AFAP1L1: variants seen among roughly 807,000 people sequenced by gnomAD.
AFAP1L1 encodes actin filament associated protein 1 like 1.
In AFAP1L1, 77 loss-of-function variants were observed where a neutral mutation model predicts 99.8. The observed-to-expected ratio is 0.77, with a 90% CI of 0.64 to 0.93. The LOEUF is 0.93. Among genes scored for constraint, AFAP1L1 ranks in the 40% least tolerant of loss-of-function variants. AFAP1L1 has a pLI of 0.00. For missense variants in AFAP1L1, 893 were observed against 996.8 expected, an observed-to-expected ratio of 0.90 and a Z score of 1.40; for synonymous variants, 373 against 395.3, an observed-to-expected ratio of 0.94 and a Z score of 0.67.
chr5:149,330,064 A>G (rs528001232), intron 16 of AFAP1L1, among the ~76,000 whole-genome samples: 8 of 152,322 alleles, frequency 5.3e-5, no homozygotes, highest in African/African-American at 1.9e-4. Context: ...GAGGATGAAA[A>G]AGCATCACAA....
At chr5:149,314,756 T>C (rs2127598176) in intron 9 of AFAP1L1, among the ~76,000 whole-genome samples, 1 of 152,292 alleles carries the variant, frequency 6.6e-6, no homozygotes, top group Non-Finnish European at 1.5e-5. Context: ...ATGCTTATGG[T>C]GAAGCATAAG....
intron 1 of AFAP1L1, among the ~76,000 whole-genome samples, chr5:149,273,922 A>G (rs1400586279): frequency 6.6e-6 from 1 of 152,190 alleles, no homozygotes; most frequent in Non-Finnish European, 1.5e-5. Flanking sequence ...ATCCTAAGAC[A>G]GAGTGACAAT....
chr5:149,291,892 A>G (rs1755872048), intron 1 of AFAP1L1, among the ~76,000 whole-genome samples: 1 of 152,208 alleles, frequency 6.6e-6, no homozygotes, highest in Non-Finnish European at 1.5e-5. Flanking sequence ...CCCTTCATAA[A>G]ACCACAGTCT....
Position 149,322,644 on chromosome 5 carries a change from G to C in AFAP1L1, c.1737G>C (p.Lys579Asn). 1 of 1,591,610 alleles carries C rather than the reference G, an allele frequency of 6.3e-7. No homozygotes were observed. Among genetic ancestry groups the C allele is most frequent in the Non-Finnish European group, 8.6e-7 (1 of 1,168,226 alleles). The change falls in exon 15 of 19, where the codon AAG (lysine) becomes AAC (asparagine). Residue 579 changes from lysine (K) to asparagine (N), a missense_variant. Coordinates refer to ENST00000296721, the MANE Select transcript of AFAP1L1 (RefSeq NM_152406.4). The part of the protein sequence containing the change: ...EPERPTGAQV[K>N]RHASSCSEKS... ...AGCGCCCCACAGGGGCCCAGGTGAA[G>C]CGTCACGCCTCCTCCTGCAGTGAGA... is the stretch of plus-strand genomic sequence containing the variant.
At chr5:149,306,464 C>A (rs750782012) in intron 6 of AFAP1L1, 60 bp downstream of exon 6, 132 of 1,475,238 alleles carry the variant, frequency 8.9e-5, no homozygotes, top group South Asian at 5.6e-4. Context: ...AAAGAGCAGG[C>A]CTTGTCCTGG....
chr5:149,288,193 G>A (rs1039189489), intron 1 of AFAP1L1, among the ~76,000 whole-genome samples: 1 of 152,172 alleles, frequency 6.6e-6, no homozygotes, highest in African/African-American at 2.4e-5. Context: ...AGCTTTGCAG[G>A]TAGGAGACAC....
chr5:149,315,747 T>C (rs748050406), intron 9 of AFAP1L1, 74 bp from the exon 10 acceptor site: 35 of 1,292,006 alleles, frequency 2.7e-5, no homozygotes, highest in African/African-American at 1.7e-4. Context: ...TGGAGGGAGA[T>C]TGAACCAATA....
intron 5 of AFAP1L1, among the ~76,000 whole-genome samples, chr5:149,306,026 G>C (rs1756399467): frequency 6.6e-6 from 1 of 152,210 alleles, no homozygotes; most frequent in Admixed American, 6.5e-5. Flanking sequence ...TGGATGAGAA[G>C]TCCTCTGGTA....
rs1009998691 is a variant in AFAP1L1, at chr5:149,307,256, A to G, written c.536-146A>G. 210 of 787,804 alleles carry G rather than the reference A, an allele frequency of 2.7e-4. 1 individual carries two copies. Among genetic ancestry groups the G allele is most frequent in the Middle Eastern group, 1.1e-3 (4 of 3,580 alleles). 48.8% of individuals were successfully genotyped at this position (787,804 alleles called of 1,614,324 possible). A position where few individuals can be genotyped will look rare whatever the true frequency, so the allele number is the denominator to read the frequency against. The stretch of plus-strand genomic sequence containing the variant: ...AGCGAGATTCCGTCTCCAAAAAAAA[A>G]GTAGGGGCCTTAGTCATTACCAGTG... On this transcript the variant is annotated intron_variant, in intron 6 of 18. Coordinates refer to ENST00000296721, the MANE Select transcript of AFAP1L1 (RefSeq NM_152406.4).
At position 149,314,854 on chromosome 5, in the gene AFAP1L1, T is replaced by G. The variant is rs17109939; in HGVS notation, c.1021-967T>G. On this transcript the variant is annotated intron_variant, in intron 9 of 18. Transcript: ENST00000296721. Reference sequence around the variant, plus strand: ...CACCTTCTTAAGTGGGTGGATGTCATTTAATCCTGGCCCAAGTGTGGCTGG... The same window carrying G: ...CACCTTCTTAAGTGGGTGGATGTCAGTTAATCCTGGCCCAAGTGTGGCTGG... 1.4e-4 allele frequency among the ~76,000 whole-genome samples: 22 copies of G among 152,296 alleles called. No homozygotes were observed. In the East Asian group the frequency reaches 4.3e-3, roughly 29 times the overall value.
At chr5:149,315,194 T>A (rs1389046719) in intron 9 of AFAP1L1, among the ~76,000 whole-genome samples, 1 of 152,178 alleles carries the variant, frequency 6.6e-6, no homozygotes, top group Non-Finnish European at 1.5e-5. Context: ...GGGCTGGCAA[T>A]GAAATTGTTG....
intron 5 of AFAP1L1, chr5:149,304,302 G>T (rs187746733): frequency 6.6e-6 from 1 of 152,306 alleles, no homozygotes; most frequent in East Asian, 1.9e-4. Context: ...GCACCTTTTG[G>T]CTATGGTGCT....
chr5:149,335,850 A>G, intron 18 of AFAP1L1, 128 bp downstream of exon 18: 1 of 1,276,258 alleles, frequency 7.8e-7, no homozygotes, highest in East Asian at 2.4e-5. Context: ...ATACAATGAA[A>G]CTCATGAACC....
intron 4 of AFAP1L1, 135 bp downstream of exon 4, chr5:149,301,365 G>A (rs1370589654): frequency 9.3e-6 from 6 of 647,802 alleles, no homozygotes; most frequent in Admixed American, 2.7e-5. Context: ...GTGGGTGAGG[G>A]CACAGGCAGC....
chr5:149,286,318 A>C (rs1395119210), intron 1 of AFAP1L1, among the ~76,000 whole-genome samples: 1 of 152,238 alleles, frequency 6.6e-6, no homozygotes, highest in African/African-American at 2.4e-5. Context: ...GCCCAATGTC[A>C]CACAGCTACC....
chr5:149,273,115 G>A (rs1021222184), intron 1 of AFAP1L1, among the ~76,000 whole-genome samples: 2 of 151,178 alleles, frequency 1.3e-5, no homozygotes, highest in African/African-American at 4.9e-5. Context: ...CAGAGGCTGG[G>A]AATCAGAACC....
chr5:149,310,798 A>G (rs1442621845), intron 8 of AFAP1L1, among the ~76,000 whole-genome samples: 1 of 152,246 alleles, frequency 6.6e-6, no homozygotes, highest in African/African-American at 2.4e-5. Flanking sequence ...AATCTACTCC[A>G]AAGGCCATAG....
chr5:149,308,993 C>A (rs932878558), intron 7 of AFAP1L1, among the ~76,000 whole-genome samples: 7 of 151,750 alleles, frequency 4.6e-5, no homozygotes, highest in African/African-American at 1.7e-4. Flanking sequence ...CACCTGTAGT[C>A]CCAGCTACTT....
intron 6 of AFAP1L1, among the ~76,000 whole-genome samples, chr5:149,306,977 T>C (rs542432077): frequency 1.3e-5 from 2 of 151,940 alleles, no homozygotes; most frequent in Non-Finnish European, 2.9e-5. Context: ...CCAGGTGTGG[T>C]GGCTCACACC....
Sources: allele counts gnomAD v4.1 joint callset (sites outside exome capture counted in the v4.1 genomes callset), GRCh38; gene constraint gnomAD v4.1.1; transcripts MANE v1.5; gene names NCBI Gene and HGNC (gene_info 2026-07-23, HGNC 2026-07-21).